The following MICAL2 variants were observed in gnomAD, a reference collection of about 807,000 sequenced individuals.
MICAL2 encodes [F-actin]-monooxygenase MICAL2.
A neutral mutation model predicts 127.3 loss-of-function variants in MICAL2; 77 were observed. The ratio of observed to expected loss-of-function variants is 0.60; its 90% CI spans 0.50 to 0.73. The LOEUF is 0.73. MICAL2 is among the 30% of genes least tolerant of loss of function. MICAL2 has a pLI of 0.00. For missense variants in MICAL2, 1,351 were observed against 1,434.4 expected, an observed-to-expected ratio of 0.94 and a Z score of 0.94; for synonymous variants, 570 against 551.1, an observed-to-expected ratio of 1.03 and a Z score of -0.48.
chr11:12,354,636 T>G, intron 33 of MICAL2: 1 of 650,024 alleles, frequency 1.5e-6, no homozygotes, highest in Non-Finnish European at 2.5e-6. Flanking sequence ...CTCAGAAAAA[T>G]AATAATTACA....
chr11:12,307,540 T>G (rs1864126946), intron 29 of MICAL2, among the ~76,000 whole-genome samples: 1 of 152,258 alleles, frequency 6.6e-6, no homozygotes, highest in Admixed American at 6.5e-5. Context: ...CCCAAAAGTT[T>G]TATAGTTTCT....
chr11:12,279,634 G>A (rs1287047940), intron 1 of MICAL2, among the ~76,000 whole-genome samples: 1 of 152,208 alleles, frequency 6.6e-6, no homozygotes, highest in Non-Finnish European at 1.5e-5. Flanking sequence ...TCCTCATTCA[G>A]GCAGGGCAGG....
chr11:12,207,807 T>A, intron 4 of MICAL2: 1 of 486,624 alleles, frequency 2.1e-6, no homozygotes, highest in Non-Finnish European at 3.6e-6. Context: ...CAATTTCTCA[T>A]CTACAGAATG....
downstream of MICAL2, among the ~76,000 whole-genome samples, chr11:12,362,025 T>C (rs1939212649): frequency 6.6e-6 from 1 of 152,262 alleles, no homozygotes; most frequent in Non-Finnish European, 1.5e-5. Flanking sequence ...TTGTAAAAGA[T>C]TAATTTGCTC....
intron 3 of MICAL2, among the ~76,000 whole-genome samples, chr11:12,192,734 C>T (rs1859365271): frequency 2.0e-5 from 3 of 152,082 alleles, no homozygotes; most frequent in Non-Finnish European, 4.4e-5. Context: ...GCTGAGATCA[C>T]ATCACTGCAC....
chr11:12,304,407 G>C (rs963035264), intron 29 of MICAL2, among the ~76,000 whole-genome samples: 5 of 152,094 alleles, frequency 3.3e-5, no homozygotes, highest in African/African-American at 1.2e-4. Context: ...GAGGCGGGCA[G>C]ATCACCTGAG....
chr11:12,324,090 A>G (rs747350709), intron 31 of MICAL2: 8 of 1,601,674 alleles, frequency 5.0e-6, no homozygotes, highest in African/African-American at 1.4e-5. Context: ...TAAACTGGAC[A>G]TGAGTGAGTG....
At chr11:12,154,141 G>T (rs1416067063) in intron 2 of MICAL2, among the ~76,000 whole-genome samples, 1 of 152,234 alleles carries the variant, frequency 6.6e-6, no homozygotes, top group African/African-American at 2.4e-5. Flanking sequence ...TCCCTCGGGA[G>T]TGGAGCTGCT....
chr11:12,204,440 G>T lies in MICAL2; in HGVS notation c.455G>T (p.Gly152Val). The T allele has an allele frequency of 6.2e-7, 1 of 1,614,168 alleles. No homozygotes were observed. The highest frequency in any genetic ancestry group is 8.5e-7 in the Non-Finnish European group (1 of 1,180,010). The change falls in exon 4 of 28, where the codon GGC (glycine) becomes GTC (valine). Residue 152 changes from glycine to valine, a missense_variant. Coordinates refer to ENST00000683283, the MANE Select transcript of MICAL2 (RefSeq NM_001282663.2). ...AAGTTCTATGGGAAGTTCTGTGCTG[G>T]CTCCATCGACCATATCAGTGAGTGG... Reference protein sequence around the residue: ...AKKFYGKFCAGSIDHISIRQL... With the variant: ...AKKFYGKFCAVSIDHISIRQL...
chr11:12,325,619 A>G (rs1189139796), intron 31 of MICAL2, among the ~76,000 whole-genome samples: 1 of 152,210 alleles, frequency 6.6e-6, no homozygotes, highest in Non-Finnish European at 1.5e-5. Flanking sequence ...GTGTCCTCAC[A>G]TGGTCTTTCT....
At chr11:12,179,811 CCT>C (rs1490545494) in intron 3 of MICAL2, among the ~76,000 whole-genome samples, 1 of 152,226 alleles carries the variant, frequency 6.6e-6, no homozygotes, top group African/African-American at 2.4e-5. Context: ...TAATGCTGAG[CCT>C]CTCAGTGCTG....
In MICAL2 at chr11:12,212,664, G is replaced by C. The variant is rs140367159; in HGVS notation, c.692-591G>C. 5.3e-3 allele frequency among the ~76,000 whole-genome samples: 811 copies of C among 152,174 alleles called. 9 individuals carry two copies. Among genetic ancestry groups the C allele is most frequent in the African/African-American group, 0.018 (764 of 41,508 alleles). On this transcript the variant is annotated intron_variant, in intron 6 of 27. Coordinates refer to ENST00000683283, the MANE Select transcript of MICAL2 (RefSeq NM_001282663.2). ...CCTACTCCAGTATGACCTCATCTTA[G>C]CTAATTACACCTGCAATGACGCTAT...
chr11:12,198,536 G>T (rs1407234775), intron 3 of MICAL2, among the ~76,000 whole-genome samples: 1 of 152,178 alleles, frequency 6.6e-6, no homozygotes, highest in East Asian at 1.9e-4. Context: ...ACCAGTAACA[G>T]CCAGGGGCTT....
At chr11:12,120,788 G>A (rs1850442588) in intron 1 of MICAL2, among the ~76,000 whole-genome samples, 1 of 152,184 alleles carries the variant, frequency 6.6e-6, no homozygotes, top group Admixed American at 6.5e-5. Context: ...CCTGAGTTCT[G>A]GGGGCGGTGT....
At chr11:12,147,454 G>A (rs1311107490) in intron 2 of MICAL2, among the ~76,000 whole-genome samples, 2 of 152,210 alleles carry the variant, frequency 1.3e-5, no homozygotes, top group African/African-American at 2.4e-5. Flanking sequence ...AATACAGAAA[G>A]CTGAATTATT....
chr11:12,230,687 T>G (rs1035812439), intron 15 of MICAL2, among the ~76,000 whole-genome samples: 18 of 150,902 alleles, frequency 1.2e-4, no homozygotes, highest in Non-Finnish European at 2.9e-5. Flanking sequence ...CCTCCCTGAT[T>G]TTCACTGACG....
intron 32 of MICAL2, among the ~76,000 whole-genome samples, chr11:12,338,581 A>G (rs1590744313): frequency 6.6e-6 from 1 of 152,310 alleles, no homozygotes; most frequent in East Asian, 1.9e-4. Flanking sequence ...ATGTTTTTGC[A>G]GTGGCTGGTA....
At chr11:12,195,149 A>T (rs1235730640) in intron 3 of MICAL2, among the ~76,000 whole-genome samples, 1 of 152,042 alleles carries the variant, frequency 6.6e-6, no homozygotes, top group Non-Finnish European at 1.5e-5. Context: ...CCCAGCTACT[A>T]GGGAGGTTGA....
intron 29 of MICAL2, among the ~76,000 whole-genome samples, chr11:12,308,682 G>A (rs758092226): frequency 6.6e-6 from 1 of 152,140 alleles, no homozygotes; most frequent in Admixed American, 6.5e-5. Flanking sequence ...TGCCAATAAA[G>A]ACAGACTGAC....
Sources: gnomAD v4.1 joint callset for allele counts (sites outside exome capture counted in the v4.1 genomes callset) on GRCh38, gnomAD v4.1.1 for gene constraint, MANE v1.5 for transcripts, NCBI Gene and HGNC (gene_info 2026-07-23, HGNC 2026-07-21) for gene names.